The following TOM1 variants were observed in gnomAD, a reference collection of about 807,000 sequenced individuals.
TOM1 encodes target of Myb protein 1.
Under a neutral mutation model 61.3 loss-of-function variants are expected in TOM1, and 38 were observed. The observed-to-expected ratio is 0.62, with a 90% CI of 0.48 to 0.81. The LOEUF is 0.81. Ranked by LOEUF, TOM1 falls within the 40% of genes least tolerant of loss-of-function variation. The pLI is 0.00. For synonymous variants in TOM1, 270 were observed against 268.8 expected, an observed-to-expected ratio of 1.00 and a Z score of -0.04; for missense variants, 591 against 659.6, an observed-to-expected ratio of 0.90 and a Z score of 1.14.
chr22:35,301,255 C>T (rs530396583), intron 1 of TOM1, among the ~76,000 whole-genome samples: 1 of 152,070 alleles, frequency 6.6e-6, no homozygotes. Flanking sequence ...CACACACACA[C>T]ACGCACACAT....
intron 1 of TOM1, among the ~76,000 whole-genome samples, chr22:35,315,632 G>A (rs939974282): frequency 6.6e-6 from 1 of 152,194 alleles, no homozygotes; most frequent in Non-Finnish European, 1.5e-5. Context: ...ACCGCCCTCT[G>A]CCTCAGCCGC....
chr22:35,306,446 G>A (rs59654138), intron 1 of TOM1, among the ~76,000 whole-genome samples: 11,820 of 152,216 alleles, frequency 0.078, 523 homozygotes, highest in African/African-American at 0.12. Flanking sequence ...CTGTCTTGAG[G>A]ATGACAGAGC....
chr22:35,315,432 A>C (rs1927194152), intron 1 of TOM1, among the ~76,000 whole-genome samples: 1 of 152,186 alleles, frequency 6.6e-6, no homozygotes, highest in Non-Finnish European at 1.5e-5. Context: ...CCCTCTGCTC[A>C]GAGGGACACT....
intron 12 of TOM1, among the ~76,000 whole-genome samples, chr22:35,343,918 C>T (rs1338695312): frequency 1.3e-5 from 2 of 150,382 alleles, no homozygotes; most frequent in Non-Finnish European, 3.0e-5. Flanking sequence ...CCTACACACA[C>T]CACACACATC....
At chr22:35,307,554 C>T (rs1300235468) in intron 1 of TOM1, among the ~76,000 whole-genome samples, 3 of 152,212 alleles carry the variant, frequency 2.0e-5, no homozygotes, top group South Asian at 4.1e-4. Flanking sequence ...TCCCCCAGGT[C>T]TCCTCCTCAA....
At chr22:35,346,215 G>A (rs758247047) in intron 13 of TOM1, among the ~76,000 whole-genome samples, 1 of 152,228 alleles carries the variant, frequency 6.6e-6, no homozygotes, top group African/African-American at 2.4e-5. Flanking sequence ...CACCCAGGAG[G>A]AGGAGGGCGG....
Position 35,330,469 on chromosome 22 carries a change from G to C in TOM1, c.888G>C (p.Leu296=), listed in dbSNP as rs761139519. 6 of 1,611,676 alleles carry C rather than the reference G, an allele frequency of 3.7e-6. No homozygotes were observed. Among genetic ancestry groups the C allele is most frequent in the Admixed American group, 1.7e-5 (1 of 59,734 alleles). The change falls in exon 8 of 15, where the codon CTG becomes CTC. Residue 296 remains leucine, a synonymous_variant. Transcript: ENST00000449058. ...ATGACAATCTCAACAATGTGTTCCT[G>C]CGCCATGAACGGTAGCCCCAGCACC... The part of the protein sequence containing the change: ...IVNDNLNNVF[L]RHERFERFRT...
intron 1 of TOM1, among the ~76,000 whole-genome samples, chr22:35,302,914 A>G (rs1250639128): frequency 6.6e-6 from 1 of 152,154 alleles, no homozygotes; most frequent in Non-Finnish European, 1.5e-5. Flanking sequence ...GTGATTACTG[A>G]TGACACAGTA....
intron 11 of TOM1, among the ~76,000 whole-genome samples, chr22:35,336,569 G>T (rs1028217460): frequency 6.6e-6 from 1 of 152,260 alleles, no homozygotes; most frequent in African/African-American, 2.4e-5. Context: ...CAGCAGAGAC[G>T]CCTCGGCTAG....
At chr22:35,341,116 G>A (rs1016019902) in intron 12 of TOM1, among the ~76,000 whole-genome samples, 1 of 152,174 alleles carries the variant, frequency 6.6e-6, no homozygotes, top group African/African-American at 2.4e-5. Flanking sequence ...CCTGTGCTCC[G>A]GGCCAGGCCT....
At chr22:35,313,819 C>T (rs965813878) in intron 1 of TOM1, among the ~76,000 whole-genome samples, 25 of 152,332 alleles carry the variant, frequency 1.6e-4, no homozygotes, top group African/African-American at 6.0e-4. Context: ...CAGCCATAAA[C>T]AACTGCAAAG....
chr22:35,304,957 G>A (rs1926186993), intron 1 of TOM1, among the ~76,000 whole-genome samples: 1 of 152,212 alleles, frequency 6.6e-6, no homozygotes, highest in South Asian at 2.1e-4. Flanking sequence ...GGTGGTGGGA[G>A]CTGGGTGTGA....
chr22:35,329,722 C>T (rs1246840856), intron 7 of TOM1, among the ~76,000 whole-genome samples: 2 of 152,132 alleles, frequency 1.3e-5, no homozygotes, highest in Non-Finnish European at 2.9e-5. Flanking sequence ...GCCCCCTTTG[C>T]AGACTCAGTT....
chr22:35,337,512 T>C (rs1929470260), intron 11 of TOM1, among the ~76,000 whole-genome samples: 1 of 152,162 alleles, frequency 6.6e-6, no homozygotes, highest in Non-Finnish European at 1.5e-5. Flanking sequence ...CCCCAGCTAG[T>C]GGTCACACTC....
rs145128822 is a variant in TOM1 at position 35,332,810 on chromosome 22, A to G, written c.900-171A>G. On this transcript the variant is annotated intron_variant, in intron 8 of 14. Transcript: ENST00000449058. ...GAAAGAGGAGCACTGCTAGTTACCC[A>G]GGGACAGCAGGCATGAACTGGATCT... Among the ~76,000 whole-genome samples, 5 of 152,302 alleles carry G rather than the reference A, an allele frequency of 3.3e-5. No individual in the cohort carries two copies. The East Asian group carries it at 9.6e-4, about 29-fold the overall frequency.
At chr22:35,345,934 C>G in intron 13 of TOM1, 150 bp downstream of exon 13, 1 of 833,514 alleles carries the variant, frequency 1.2e-6, no homozygotes. Flanking sequence ...TGCCACCTGC[C>G]CACCTTGTGT....
At chr22:35,329,258 T>G (rs943759256) in intron 7 of TOM1, among the ~76,000 whole-genome samples, 1 of 152,144 alleles carries the variant, frequency 6.6e-6, no homozygotes, top group Non-Finnish European at 1.5e-5. Context: ...GTGTAGCCAT[T>G]TTTTTTATTT....
chr22:35,304,524 G>A (rs1367472240), intron 1 of TOM1, among the ~76,000 whole-genome samples: 1 of 152,088 alleles, frequency 6.6e-6, no homozygotes, highest in African/African-American at 2.4e-5. Flanking sequence ...TGTCGCCCAG[G>A]CGGGAGTGCA....
intron 1 of TOM1, chr22:35,311,024 G>C (rs1926770945): frequency 6.6e-6 from 1 of 152,380 alleles, no homozygotes; most frequent in African/African-American, 2.4e-5. Context: ...AGCACGAGTT[G>C]AGGTGGGGAG....
Sources: allele counts gnomAD v4.1 joint callset (sites outside exome capture counted in the v4.1 genomes callset), GRCh38; gene constraint gnomAD v4.1.1; transcripts MANE v1.5; gene names NCBI Gene and HGNC (gene_info 2026-07-23, HGNC 2026-07-21).